The following RBFOX1 variants were observed in gnomAD, a reference collection of about 807,000 sequenced individuals.
RBFOX1 encodes RNA binding fox-1 homolog 1.
RBFOX1 carries 8 observed loss-of-function variants against 57.7 expected under a neutral mutation model. The observed-to-expected ratio is 0.14, with a 90% CI of 0.08 to 0.25. RBFOX1 has a LOEUF of 0.25. RBFOX1 is among the 10% of genes least tolerant of loss of function. RBFOX1 has a pLI of 1.00. For synonymous variants in RBFOX1, 326 were observed against 222.4 expected, an observed-to-expected ratio of 1.47 and a Z score of -4.15; for missense variants, 611 against 548.5, an observed-to-expected ratio of 1.11 and a Z score of -1.14.
At chr16:5,632,357 C>G (rs1029690470) in intron 3 of RBFOX1, 1 of 152,214 alleles carries the variant, frequency 6.6e-6, no homozygotes, top group Non-Finnish European at 1.5e-5. Flanking sequence ...GTAGCTGTTT[C>G]CTGGTCAACG....
intron 1 of RBFOX1, among the ~76,000 whole-genome samples, chr16:5,458,360 C>T (rs1459873371): frequency 6.6e-6 from 1 of 151,972 alleles, no homozygotes; most frequent in Non-Finnish European, 1.5e-5. Flanking sequence ...GGTTGAGGGT[C>T]TGTGGATGGG....
chr16:7,270,852 C>A (rs928227676), intron 4 of RBFOX1, among the ~76,000 whole-genome samples: 2 of 152,080 alleles, frequency 1.3e-5, no homozygotes, highest in Non-Finnish European at 2.9e-5. Context: ...TAAAACTTTT[C>A]TTTTTGATAA....
At chr16:5,321,070 T>C (rs1408093449) in intron 1 of RBFOX1, among the ~76,000 whole-genome samples, 6 of 152,144 alleles carry the variant, frequency 3.9e-5, no homozygotes, top group Admixed American at 3.9e-4. Flanking sequence ...ACTGTACTGT[T>C]TGCATCCAAG....
At chr16:6,508,240 G>A (rs906707493) in intron 2 of RBFOX1, among the ~76,000 whole-genome samples, 1 of 152,024 alleles carries the variant, frequency 6.6e-6, no homozygotes, top group Non-Finnish European at 1.5e-5. Flanking sequence ...GGAGGGAGAG[G>A]ATCAGGAAAA....
chr16:7,325,478 G>T (rs1413160351), intron 4 of RBFOX1, among the ~76,000 whole-genome samples: 1 of 152,182 alleles, frequency 6.6e-6, no homozygotes, highest in Non-Finnish European at 1.5e-5. Flanking sequence ...AATGCCACAA[G>T]AATAACATAT....
intron 1 of RBFOX1, among the ~76,000 whole-genome samples, chr16:6,205,774 C>G (rs1275164286): frequency 6.7e-6 from 1 of 148,928 alleles, no homozygotes; most frequent in Non-Finnish European, 1.5e-5. Context: ...TTTTTCTGCT[C>G]AACTGGTTTT....
At chr16:6,782,560 T>A (rs981090484) in intron 3 of RBFOX1, among the ~76,000 whole-genome samples, 8 of 152,140 alleles carry the variant, frequency 5.3e-5, no homozygotes, top group African/African-American at 1.9e-4. Flanking sequence ...GCTTATTGAT[T>A]TCTAGTTTCA....
intron 4 of RBFOX1, among the ~76,000 whole-genome samples, chr16:5,914,433 C>A (rs12927911): frequency 5.9e-5 from 9 of 151,882 alleles, no homozygotes; most frequent in African/African-American, 1.2e-4. Context: ...CTAGAGAATC[C>A]CCTTCCAAGT....
chr16:5,689,464 T>G (rs1266565646), intron 3 of RBFOX1, among the ~76,000 whole-genome samples: 2 of 152,188 alleles, frequency 1.3e-5, no homozygotes, highest in Non-Finnish European at 2.9e-5. Context: ...ACTAGTTGCC[T>G]GCTCAAATTT....
chr16:7,261,142 C>G (rs752890465), intron 4 of RBFOX1, among the ~76,000 whole-genome samples: 2 of 138,622 alleles, frequency 1.4e-5, no homozygotes, highest in Non-Finnish European at 2.9e-5. Flanking sequence ...ATCCAAAGAG[C>G]CAACCCACTA....
chr16:6,795,604 A>G (rs1567279211), intron 3 of RBFOX1, among the ~76,000 whole-genome samples: 1 of 151,962 alleles, frequency 6.6e-6, no homozygotes, highest in Non-Finnish European at 1.5e-5. Flanking sequence ...TGTCTCTACT[A>G]AAAATACAAA....
chr16:6,625,533 A>T (rs1420237010), intron 2 of RBFOX1, among the ~76,000 whole-genome samples: 1 of 152,178 alleles, frequency 6.6e-6, no homozygotes, highest in African/African-American at 2.4e-5. Context: ...TAAAACTTTA[A>T]GAAAGCCCTC....
At chr16:6,321,085 C>T (rs1171024375) in intron 2 of RBFOX1, among the ~76,000 whole-genome samples, 4 of 152,116 alleles carry the variant, frequency 2.6e-5, no homozygotes, top group East Asian at 3.9e-4. Flanking sequence ...TGAGCCATCA[C>T]GTTAAAGTAA....
intron 3 of RBFOX1, among the ~76,000 whole-genome samples, chr16:6,789,943 A>T (rs2082625259): frequency 1.3e-5 from 2 of 151,550 alleles, no homozygotes; most frequent in African/African-American, 4.8e-5. Flanking sequence ...TCTCTTCCCT[A>T]ACTTATTGAT....
chr16:7,699,232 G>C (rs1320045656), intron 14 of RBFOX1, among the ~76,000 whole-genome samples: 1 of 151,740 alleles, frequency 6.6e-6, no homozygotes, highest in East Asian at 1.9e-4. Flanking sequence ...CATCCAGGCT[G>C]GAGAGTTCAG....
chr16:6,344,322 A>G (rs2084992665), intron 2 of RBFOX1, among the ~76,000 whole-genome samples: 1 of 151,728 alleles, frequency 6.6e-6, no homozygotes, highest in Non-Finnish European at 1.5e-5. Flanking sequence ...AAATGCTGCA[A>G]TTACAAGCAT....
intron 4 of RBFOX1, among the ~76,000 whole-genome samples, chr16:5,913,339 C>T (rs536890590): frequency 6.6e-5 from 10 of 152,120 alleles, no homozygotes; most frequent in Admixed American, 2.0e-4. Flanking sequence ...AAATCTCATT[C>T]GGAAATGTGA....
In RBFOX1 at chr16:5,760,551, A is replaced by G. The variant is rs191320555; in HGVS notation, c.319-106752A>G. The stretch of plus-strand genomic sequence containing the variant: ...AAGATAAACAAATCGTGGTGTATCC[A>G]TACCACAGAACACTATTTAGCCCTA... On this transcript the variant is annotated intron_variant, in intron 3 of 19. Transcript: ENST00000641259. 2.8e-4 allele frequency among the ~76,000 whole-genome samples: 43 copies of G among 152,318 alleles called. 1 individual carries two copies. In the East Asian group the frequency reaches 7.9e-3, roughly 28 times the overall value.
intron 3 of RBFOX1, among the ~76,000 whole-genome samples, chr16:6,826,090 C>T (rs141711028): frequency 6.6e-6 from 1 of 152,248 alleles, no homozygotes; most frequent in Non-Finnish European, 1.5e-5. Flanking sequence ...CCCAGGTCTC[C>T]CGCTAGCTGT....
Sources: gnomAD v4.1 joint callset for allele counts (sites outside exome capture counted in the v4.1 genomes callset) on GRCh38, gnomAD v4.1.1 for gene constraint, MANE v1.5 for transcripts, NCBI Gene and HGNC (gene_info 2026-07-23, HGNC 2026-07-21) for gene names.